PLXNA2: variants seen among roughly 807,000 people sequenced by gnomAD.
The protein encoded by PLXNA2 is plexin A2.
In PLXNA2, 91 loss-of-function variants were observed where a neutral mutation model predicts 193.5. That is an observed-to-expected ratio of 0.47 (90% confidence interval 0.40 to 0.56). The LOEUF is 0.56. PLXNA2 is among the 20% of genes least tolerant of loss of function. PLXNA2 has a pLI of 0.00. For synonymous variants in PLXNA2, 997 were observed against 1,027.3 expected (o/e 0.97, Z 0.56); for missense variants, 1,995 against 2,503.2 (o/e 0.80, Z 4.33).
At chr1:208,068,083 A>T (rs1315385274) in intron 12 of PLXNA2, among the ~76,000 whole-genome samples, 3 of 152,214 alleles carry the variant, frequency 2.0e-5, no homozygotes, top group African/African-American at 7.2e-5. Flanking sequence ...GCCACACTGC[A>T]TTGTAACTGC....
intron 4 of PLXNA2, among the ~76,000 whole-genome samples, chr1:208,124,466 G>T (rs2102454444): frequency 6.6e-6 from 1 of 151,912 alleles, no homozygotes; most frequent in Admixed American, 6.5e-5. Flanking sequence ...ATCACCTGAG[G>T]TCAGGAGTTC....
At chr1:208,102,059 G>T (rs1299474047) in intron 5 of PLXNA2, among the ~76,000 whole-genome samples, 1 of 152,194 alleles carries the variant, frequency 6.6e-6, no homozygotes, top group Non-Finnish European at 1.5e-5. Flanking sequence ...GTCCAGGTCT[G>T]CTAAGAGCAT....
At chr1:208,084,602 C>T (rs1666451322) in intron 9 of PLXNA2, 22 bp from the exon 10 acceptor site, 3 of 1,609,082 alleles carry the variant, frequency 1.9e-6, no homozygotes, top group South Asian at 1.1e-5. Context: ...AACGAAGAGG[C>T]TCCATCTGTC....
chr1:208,196,126 C>T (rs1207665427), intron 3 of PLXNA2, among the ~76,000 whole-genome samples: 1 of 152,146 alleles, frequency 6.6e-6, no homozygotes, highest in Non-Finnish European at 1.5e-5. Flanking sequence ...ACTTGCCCAA[C>T]ATCAGGCACA....
At chr1:208,108,406 C>T (rs573926340) in intron 4 of PLXNA2, among the ~76,000 whole-genome samples, 1 of 152,286 alleles carries the variant, frequency 6.6e-6, no homozygotes, top group East Asian at 1.9e-4. Flanking sequence ...GGCAGTTACT[C>T]CCATCAGGAG....
chr1:208,050,370 A>G (rs1176600259), intron 17 of PLXNA2, among the ~76,000 whole-genome samples: 1 of 152,214 alleles, frequency 6.6e-6, no homozygotes. Flanking sequence ...CTGAATCTGG[A>G]GCCAGAATTT....
intron 9 of PLXNA2, among the ~76,000 whole-genome samples, chr1:208,087,007 GAGAGAGAGAC>G (rs1263329090): frequency 2.1e-5 from 3 of 145,978 alleles, no homozygotes; most frequent in Admixed American, 6.8e-5. Context: ...GAGAGAGAGA[GAGAGAGAGAC>G]AGACAGACAG....
At chr1:208,045,245 A>C in intron 18 of PLXNA2, 35 bp from the exon 19 acceptor site, 1 of 1,604,062 alleles carries the variant, frequency 6.2e-7, no homozygotes, top group Non-Finnish European at 8.5e-7. Flanking sequence ...GGCATAATTG[A>C]CACATGCACG....
chr1:208,090,181 G>A (rs1260084945), intron 9 of PLXNA2, among the ~76,000 whole-genome samples: 3 of 152,102 alleles, frequency 2.0e-5, no homozygotes, highest in East Asian at 1.9e-4. Flanking sequence ...ACAGTCCTCC[G>A]GACAGCCAAT....
chr1:208,042,820 A>C (rs1664920012), intron 21 of PLXNA2, among the ~76,000 whole-genome samples: 1 of 152,260 alleles, frequency 6.6e-6, no homozygotes. Context: ...TTAGTTAATT[A>C]GTTCAGTCAT....
chr1:208,145,351 G>A (rs1417980233), intron 3 of PLXNA2, among the ~76,000 whole-genome samples: 1 of 152,206 alleles, frequency 6.6e-6, no homozygotes, highest in African/African-American at 2.4e-5. Context: ...CTGCAGGGCT[G>A]GGTCCCAGGA....
intron 1 of PLXNA2, among the ~76,000 whole-genome samples, chr1:208,238,186 G>A (rs924841889): frequency 3.3e-5 from 5 of 152,040 alleles, no homozygotes; most frequent in East Asian, 1.9e-4. Flanking sequence ...TGTGTTTTGC[G>A]GGGATCAGAG....
intron 13 of PLXNA2, among the ~76,000 whole-genome samples, chr1:208,056,250 C>A (rs1220946988): frequency 6.6e-6 from 1 of 152,158 alleles, no homozygotes; most frequent in Non-Finnish European, 1.5e-5. Context: ...CTATTGTGGG[C>A]AGTGCTGGGG....
intron 8 of PLXNA2, among the ~76,000 whole-genome samples, chr1:208,094,118 C>T (rs564355178): frequency 6.6e-6 from 1 of 152,324 alleles, no homozygotes; most frequent in South Asian, 2.1e-4. Context: ...GAGCTTCATG[C>T]TATCTCATGT....
intron 1 of PLXNA2, among the ~76,000 whole-genome samples, chr1:208,224,984 C>T (rs1480808386): frequency 2.0e-5 from 3 of 152,142 alleles, no homozygotes; most frequent in Non-Finnish European, 4.4e-5. Context: ...CTCAAAATCT[C>T]GATCAGTAAT....
intron 3 of PLXNA2, among the ~76,000 whole-genome samples, chr1:208,201,640 T>C (rs1670556842): frequency 1.3e-5 from 2 of 152,122 alleles, no homozygotes; most frequent in Admixed American, 6.5e-5. Context: ...ATATCAGTAA[T>C]AATAGAAAGC....
chr1:208,217,464 G>A lies in PLXNA2; in HGVS notation c.459C>T (p.His153=), dbSNP rs999722326. The change falls in exon 2 of 32, where the codon CAC becomes CAT. Residue 153 remains histidine, a synonymous_variant. Coordinates refer to ENST00000367033, the MANE Select transcript of PLXNA2 (RefSeq NM_025179.4). The surrounding 1 kb of genome is among the most constrained non-coding windows in gnomAD (Gnocchi z 4.7). ...CACTGGACAGGTAGTGCTCCTTCTT[G>A]TGGGATGGCTCCACCAGGATGAAGA... ...DDLFILVEPS[H]KKEHYLSSVN... 2 of 1,614,172 alleles carry A rather than the reference G, an allele frequency of 1.2e-6. No individual in the cohort carries two copies. The highest frequency in any genetic ancestry group is 1.1e-5 in the South Asian group (1 of 91,078).
chr1:208,216,223 G>C (rs1018412815), intron 2 of PLXNA2, among the ~76,000 whole-genome samples: 1 of 152,088 alleles, frequency 6.6e-6, no homozygotes, highest in African/African-American at 2.4e-5. Context: ...TCTCTCTCTG[G>C]AATGCTTTCT....
At position 208,138,865 on chromosome 1, in the gene PLXNA2, A is replaced by G. The variant is rs560370355; in HGVS notation, c.1506+3464T>C. ...AACATGGCAAAACCCCGGCTCTACT[A>G]AAAATACAAAAATTAGCTGTGTGTG... On this transcript the variant is annotated intron_variant, in intron 4 of 31. Coordinates refer to ENST00000367033, the MANE Select transcript of PLXNA2 (RefSeq NM_025179.4). Among the ~76,000 whole-genome samples the G allele has an allele frequency of 2.6e-4, 39 of 152,282 alleles. No individual in the cohort carries two copies. In the East Asian group the frequency reaches 7.5e-3, roughly 29 times the overall value.
Sources: gnomAD v4.1 joint callset for allele counts (sites outside exome capture counted in the v4.1 genomes callset) on GRCh38, gnomAD v4.1.1 for gene constraint, Gnocchi (gnomAD v3.1) non-coding constraint, MANE v1.5 for transcripts, NCBI Gene and HGNC (gene_info 2026-07-23, HGNC 2026-07-21) for gene names.